The following WDPCP variants were observed in gnomAD, a reference collection of about 807,000 sequenced individuals.
WDPCP encodes WD repeat-containing and planar cell polarity effector protein fritz homolog.
A neutral mutation model predicts 93.1 loss-of-function variants in WDPCP; 71 were observed. The ratio of observed to expected loss-of-function variants is 0.76; its 90% CI spans 0.63 to 0.93. WDPCP has a LOEUF of 0.93. Among genes scored for constraint, WDPCP ranks in the 40% least tolerant of loss-of-function variants. The pLI, the probability that WDPCP is intolerant of heterozygous loss-of-function variation, is 0.00. For missense variants in WDPCP, 844 were observed against 887.4 expected, an observed-to-expected ratio of 0.95 and a Z score of 0.62; for synonymous variants, 315 against 315.0, an observed-to-expected ratio of 1.00 and a Z score of 0.00.
intron 17 of WDPCP, among the ~76,000 whole-genome samples, chr2:63,128,771 C>A (rs551651342): frequency 1.3e-5 from 2 of 152,184 alleles, no homozygotes; most frequent in Non-Finnish European, 2.9e-5. Flanking sequence ...TGGGTTCAAG[C>A]GATTCTCCTG....
intron 17 of WDPCP, among the ~76,000 whole-genome samples, chr2:63,139,809 T>C (rs1670920732): frequency 6.6e-6 from 1 of 152,240 alleles, no homozygotes; most frequent in African/African-American, 2.4e-5. Context: ...AAAAGCTCTT[T>C]AGTTTAATTA....
intron 2 of WDPCP, among the ~76,000 whole-genome samples, chr2:63,685,428 C>G (rs1668791480): frequency 6.6e-6 from 1 of 152,062 alleles, no homozygotes; most frequent in Non-Finnish European, 1.5e-5. Context: ...CTGAACAGAC[C>G]AATAACAAGT....
intron 2 of WDPCP, among the ~76,000 whole-genome samples, chr2:63,757,945 C>T (rs1244233833): frequency 1.3e-5 from 2 of 152,114 alleles, no homozygotes; most frequent in Non-Finnish European, 2.9e-5. Flanking sequence ...TGTGATCAAG[C>T]CTCTGTGATA....
At chr2:63,175,741 C>T (rs1031220669) in intron 14 of WDPCP, among the ~76,000 whole-genome samples, 3 of 152,190 alleles carry the variant, frequency 2.0e-5, no homozygotes, top group East Asian at 3.9e-4. Flanking sequence ...AAGGTTTATC[C>T]GTGTTGTAGT....
At chr2:63,307,356 T>C (rs1685823448) in intron 13 of WDPCP, among the ~76,000 whole-genome samples, 3 of 152,118 alleles carry the variant, frequency 2.0e-5, no homozygotes, top group Non-Finnish European at 4.4e-5. Flanking sequence ...CAAGCTACCA[T>C]TGACTTTCTT....
intron 2 of WDPCP, among the ~76,000 whole-genome samples, chr2:63,781,124 CT>C: frequency 1.3e-5 from 2 of 152,152 alleles, no homozygotes; most frequent in Non-Finnish European, 2.9e-5. Context: ...TCCCCCCACT[CT>C]GTATTATTAC....
At chr2:63,461,346 G>T (rs938474562) in intron 6 of WDPCP, among the ~76,000 whole-genome samples, 1 of 152,072 alleles carries the variant, frequency 6.6e-6, no homozygotes, top group African/African-American at 2.4e-5. Flanking sequence ...TTGTTTAAAT[G>T]TGTAGCACCT....
At chr2:63,588,949 C>G (rs1351600543), upstream of WDPCP, 1 of 1,579,770 alleles carries the variant, frequency 6.3e-7, no homozygotes, top group East Asian at 2.2e-5. Context: ...TCGCTAACAC[C>G]GCTCGCCCTC....
chr2:63,391,075 G>GA (rs1193746934), intron 10 of WDPCP, among the ~76,000 whole-genome samples: 1 of 152,186 alleles, frequency 6.6e-6, no homozygotes, highest in Admixed American at 6.5e-5. Context: ...AAGCCTGGCA[G>GA]AGACACACAC....
intron 9 of WDPCP, among the ~76,000 whole-genome samples, chr2:63,421,885 C>T (rs1370724641): frequency 1.3e-5 from 2 of 152,098 alleles, no homozygotes; most frequent in Non-Finnish European, 2.9e-5. Context: ...CTATTCATCC[C>T]GTGTCCCTAC....
At position 63,725,233 on chromosome 2, in the gene WDPCP, A is replaced by G. The variant is rs528778636; in HGVS notation, n.309-74395T>C. Among the ~76,000 whole-genome samples, 14 of 152,202 alleles carry G rather than the reference A, an allele frequency of 9.2e-5. No individual in the cohort carries two copies. The South Asian group carries it at 1.9e-3, about 20-fold the overall frequency. ...CACCCTCCAGCAGGCTCCCATGTCT[A>G]TTGTTCCCTTAGTGTCCATGTGTAC... is the stretch of plus-strand genomic sequence containing the variant. On this transcript the variant is annotated intron_variant and non_coding_transcript_variant, in intron 2 of 4. Transcript: ENST00000467687.
chr2:63,525,714 G>T (rs1703286326), intron 1 of WDPCP, among the ~76,000 whole-genome samples: 1 of 152,148 alleles, frequency 6.6e-6, no homozygotes, highest in Non-Finnish European at 1.5e-5. Context: ...AGAGAGAAGG[G>T]CTGACTGCCG....
At chr2:63,597,716 T>G (rs1039942860) in intron 3 of WDPCP, 20 of 655,182 alleles carry the variant, frequency 3.1e-5, no homozygotes, top group Non-Finnish European at 3.3e-5. Context: ...GAGTTTTGCT[T>G]GATAAGCTCT....
intron 13 of WDPCP, among the ~76,000 whole-genome samples, chr2:63,310,653 T>G (rs1686111892): frequency 6.6e-6 from 1 of 152,162 alleles, no homozygotes; most frequent in African/African-American, 2.4e-5. Context: ...ATGGCAGAAT[T>G]AAGTAGATGC....
intron 14 of WDPCP, among the ~76,000 whole-genome samples, chr2:63,202,665 A>G (rs1178958482): frequency 6.6e-6 from 1 of 152,164 alleles, no homozygotes; most frequent in Non-Finnish European, 1.5e-5. Flanking sequence ...ATAAAGCGTT[A>G]CATCTTCCTT....
At chr2:63,507,300 C>G (rs1701943901) in intron 1 of WDPCP, among the ~76,000 whole-genome samples, 1 of 152,004 alleles carries the variant, frequency 6.6e-6, no homozygotes, top group South Asian at 2.1e-4. Context: ...GGGCAACAGA[C>G]TTTCTCAATC....
chr2:63,717,297 G>A (rs1356126255), intron 2 of WDPCP: 2 of 540,066 alleles, frequency 3.7e-6, no homozygotes, highest in Non-Finnish European at 7.4e-6. Flanking sequence ...ATGGCAAGAT[G>A]GTGGCAGGCC....
At position 63,636,195 on chromosome 2, in the gene WDPCP, C is replaced by T. The variant is rs532507585; in HGVS notation, n.488+14464G>A. 2.2e-4 allele frequency among the ~76,000 whole-genome samples: 34 copies of T among 152,136 alleles called. No homozygotes were observed. The South Asian group carries it at 3.3e-3, about 15-fold the overall frequency. On this transcript the variant is annotated intron_variant and non_coding_transcript_variant, in intron 3 of 4. Coordinates refer to the WDPCP transcript ENST00000467687. ...TACACTGAAAACTACAAAACGTTGA[C>T]GATGACATTGAAGACATAAACAAAT...
chr2:63,537,263 C>T (rs1281041460), intron 1 of WDPCP, among the ~76,000 whole-genome samples: 2 of 152,170 alleles, frequency 1.3e-5, no homozygotes, highest in Non-Finnish European at 2.9e-5. Flanking sequence ...TTCACAAATA[C>T]ATCTAGTTTT....
Sources: allele counts gnomAD v4.1 joint callset (sites outside exome capture counted in the v4.1 genomes callset), GRCh38; gene constraint gnomAD v4.1.1; transcripts MANE v1.5; gene names NCBI Gene and HGNC (gene_info 2026-07-23, HGNC 2026-07-21).